ERI3: variants seen among roughly 807,000 people sequenced by gnomAD.
ERI3 encodes the protein ERI1 exoribonuclease family member 3.
A neutral mutation model predicts 44.4 loss-of-function variants in ERI3; 18 were observed. The ratio of observed to expected loss-of-function variants is 0.41; its 90% CI spans 0.28 to 0.60. The LOEUF is 0.60. Ranked by LOEUF, ERI3 falls within the 20% of genes least tolerant of loss-of-function variation. The pLI, the probability that ERI3 is intolerant of heterozygous loss-of-function variation, is 0.36. For missense variants in ERI3, 294 were observed against 435.5 expected (o/e 0.68, Z 2.89); for synonymous variants, 183 against 164.8 (o/e 1.11, Z -0.84).
intron 3 of ERI3, among the ~76,000 whole-genome samples, 157 bp downstream of exon 3, chr1:44,338,888 T>C (rs1646589390): frequency 6.6e-6 from 1 of 152,168 alleles, no homozygotes; most frequent in South Asian, 2.1e-4. Flanking sequence ...TACACTAGCA[T>C]ACCTGAAACA....
At chr1:44,352,307 A>G (rs1646908370) in intron 2 of ERI3, among the ~76,000 whole-genome samples, 1 of 152,230 alleles carries the variant, frequency 6.6e-6, no homozygotes, top group African/African-American at 2.4e-5. Context: ...AACGAGAGCC[A>G]GGTGTAGTGG....
At chr1:44,311,293 A>G (rs1321107891) in intron 5 of ERI3, among the ~76,000 whole-genome samples, 2 of 152,186 alleles carry the variant, frequency 1.3e-5, no homozygotes, top group Non-Finnish European at 2.9e-5. Flanking sequence ...GACCCCGGCC[A>G]TTCGCTTGCA....
chr1:44,222,678 G>A (rs1041700885), intron 8 of ERI3, among the ~76,000 whole-genome samples: 1 of 152,076 alleles, frequency 6.6e-6, no homozygotes, highest in East Asian at 1.9e-4. Context: ...GAGTGCCTGA[G>A]TTTTTCTGTT....
chr1:44,238,675 T>C (rs1046382426), intron 8 of ERI3, among the ~76,000 whole-genome samples: 8 of 152,056 alleles, frequency 5.3e-5, no homozygotes, highest in Non-Finnish European at 1.0e-4. Flanking sequence ...TCCTCTCCCC[T>C]TCCTCTGGTA....
intron 2 of ERI3, among the ~76,000 whole-genome samples, chr1:44,351,399 T>C (rs139537446): frequency 7.1e-4 from 108 of 152,344 alleles, no homozygotes; most frequent in African/African-American, 2.5e-3. Flanking sequence ...GGCTTCTTAC[T>C]GTTCTTAAAT....
intron 8 of ERI3, among the ~76,000 whole-genome samples, chr1:44,240,482 G>A (rs1216841809): frequency 6.6e-6 from 1 of 152,158 alleles, no homozygotes; most frequent in Non-Finnish European, 1.5e-5. Flanking sequence ...CAGTACTCGT[G>A]GTGGTGAAGA....
chr1:44,337,090 T>C (rs1371574653), intron 3 of ERI3, among the ~76,000 whole-genome samples: 1 of 152,218 alleles, frequency 6.6e-6, no homozygotes. Context: ...TGAGACATGA[T>C]TCAGGCTTCA....
intron 3 of ERI3, among the ~76,000 whole-genome samples, chr1:44,328,273 T>C (rs537831317): frequency 7.9e-6 from 1 of 126,792 alleles, no homozygotes; most frequent in East Asian, 2.4e-4. Flanking sequence ...CTGTCCCATA[T>C]GATCCCACAT....
chr1:44,266,308 C>A (rs1025755285), intron 7 of ERI3, among the ~76,000 whole-genome samples: 1 of 152,126 alleles, frequency 6.6e-6, no homozygotes, highest in Non-Finnish European at 1.5e-5. Flanking sequence ...ACTTCCTAGC[C>A]AAATGGAATA....
intron 3 of ERI3, among the ~76,000 whole-genome samples, chr1:44,337,263 C>G (rs1646553234): frequency 6.6e-6 from 1 of 152,176 alleles, no homozygotes; most frequent in South Asian, 2.1e-4. Flanking sequence ...TATGAGGGAT[C>G]AGAAGAGGGA....
At chr1:44,351,552 T>C (rs1461740852) in intron 2 of ERI3, among the ~76,000 whole-genome samples, 1 of 152,234 alleles carries the variant, frequency 6.6e-6, no homozygotes, top group Non-Finnish European at 1.5e-5. Context: ...CTGCAGAGTT[T>C]AGTAGAGTTG....
intron 7 of ERI3, among the ~76,000 whole-genome samples, chr1:44,273,416 G>C (rs904877611): frequency 2.0e-5 from 3 of 152,238 alleles, no homozygotes; most frequent in Admixed American, 6.5e-5. Flanking sequence ...TCCTGGCTAT[G>C]TGCCTTTAGG....
In ERI3 at chr1:44,250,350, G is replaced by A. The variant is rs995667266; in HGVS notation, c.832-2312C>T. On this transcript the variant is annotated intron_variant, in intron 7 of 8. Transcript: ENST00000372257. ...GAGTCTTATCGCAGCTAAGCGGGAA[G>A]ACCACTTCAGATAACATTAGATGCT... Among the ~76,000 whole-genome samples, 13 of 152,344 alleles carry A rather than the reference G, an allele frequency of 8.5e-5. No individual in the cohort carries two copies. The South Asian group carries it at 1.7e-3, about 19-fold the overall frequency.
intron 8 of ERI3, among the ~76,000 whole-genome samples, chr1:44,234,578 G>C (rs999668217): frequency 6.6e-6 from 1 of 151,930 alleles, no homozygotes; most frequent in Non-Finnish European, 1.5e-5. Flanking sequence ...ACAATCACTT[G>C]AAAACAGGAG....
chr1:44,310,611 G>A (rs753553638), intron 5 of ERI3, among the ~76,000 whole-genome samples: 8 of 152,216 alleles, frequency 5.3e-5, no homozygotes, highest in Non-Finnish European at 1.2e-4. Context: ...ACAGCCCATG[G>A]ATATCTTTAA....
At chr1:44,326,121 A>C (rs1646307148) in intron 3 of ERI3, among the ~76,000 whole-genome samples, 1 of 152,212 alleles carries the variant, frequency 6.6e-6, no homozygotes, top group African/African-American at 2.4e-5. Flanking sequence ...AAAACAACTA[A>C]TCTATTCCTT....
intron 3 of ERI3, among the ~76,000 whole-genome samples, chr1:44,333,279 C>T (rs563977145): frequency 6.6e-5 from 10 of 152,208 alleles, no homozygotes; most frequent in African/African-American, 2.4e-5. Context: ...GTTACATTAA[C>T]GTCGGTTTTG....
chr1:44,289,202 A>G (rs939712394), intron 6 of ERI3, among the ~76,000 whole-genome samples: 1 of 152,204 alleles, frequency 6.6e-6, no homozygotes, highest in African/African-American at 2.4e-5. Context: ...ATTTTTTTCA[A>G]CCAAATCAAA....
At chr1:44,271,149 T>C (rs1369938536) in intron 7 of ERI3, among the ~76,000 whole-genome samples, 1 of 152,208 alleles carries the variant, frequency 6.6e-6, no homozygotes, top group African/African-American at 2.4e-5. Flanking sequence ...AGAAGGCAGC[T>C]TAGGCTGGCA....
Sources: allele counts gnomAD v4.1 joint callset (sites outside exome capture counted in the v4.1 genomes callset), GRCh38; gene constraint gnomAD v4.1.1; transcripts MANE v1.5; gene names NCBI Gene and HGNC (gene_info 2026-07-23, HGNC 2026-07-21).